SCIN: variants seen among roughly 807,000 people sequenced by gnomAD.
SCIN encodes adseverin.
Under a neutral mutation model 91.8 loss-of-function variants are expected in SCIN, and 91 were observed. The ratio of observed to expected loss-of-function variants is 0.99; its 90% CI spans 0.84 to 1.18. SCIN has a LOEUF of 1.18. SCIN is among the 50% of genes most tolerant of loss of function. SCIN has a pLI of 0.00. For missense variants in SCIN, 1,087 were observed against 863.9 expected, an observed-to-expected ratio of 1.26 and a Z score of -3.24; for synonymous variants, 367 against 312.6, an observed-to-expected ratio of 1.17 and a Z score of -1.84.
intron 3 of SCIN, among the ~76,000 whole-genome samples, chr7:12,598,638 A>C (rs1782890975): frequency 6.6e-6 from 1 of 152,304 alleles, no homozygotes; most frequent in East Asian, 1.9e-4. Context: ...CATGCCTGTA[A>C]CCCCAGCACT....
intron 3 of SCIN, among the ~76,000 whole-genome samples, chr7:12,583,126 C>A (rs1407696198): frequency 6.6e-6 from 1 of 151,564 alleles, no homozygotes; most frequent in African/African-American, 2.4e-5. Context: ...AAAAAAAAAA[C>A]TTGTTATATA....
At chr7:12,647,870 A>G (rs1007776480) in intron 13 of SCIN, among the ~76,000 whole-genome samples, 9 of 152,176 alleles carry the variant, frequency 5.9e-5, no homozygotes, top group Non-Finnish European at 1.0e-4. Flanking sequence ...TTTTGAGTTT[A>G]TACATATTTT....
At chr7:12,650,012 T>C (rs532605567) in intron 14 of SCIN, among the ~76,000 whole-genome samples, 4 of 152,336 alleles carry the variant, frequency 2.6e-5, no homozygotes, top group African/African-American at 9.6e-5. Flanking sequence ...TCCTGTTTTA[T>C]TTATCTTAAT....
Position 12,640,435 on chromosome 7 carries a change from A to G in SCIN, c.1499A>G (p.Lys500Arg), listed in dbSNP as rs35705332. Residue 500 changes from lysine (K) to arginine (R), a missense_variant, in exon 11 of 16, where the codon AAG (lysine) becomes AGG (arginine). Transcript: ENST00000297029. ...PLIIYKNGTSKKGGQAPAPPT... is the reference protein window; with the variant it reads ...PLIIYKNGTSRKGGQAPAPPT... ...ATTATTTACAAGAATGGAACATCAAAGAAAGGAGGTCAGGCACCTGCTCCC... is the reference window on the plus strand; with the variant it reads ...ATTATTTACAAGAATGGAACATCAAGGAAAGGAGGTCAGGCACCTGCTCCC... 8.9e-4 allele frequency: 1,436 copies of G among 1,613,666 alleles called. 13 individuals are homozygous for G. In the African/African-American group the frequency reaches 0.017, roughly 19 times the overall value.
intron 4 of SCIN, chr7:12,611,082 A>T (rs1583298042): frequency 6.6e-6 from 1 of 152,224 alleles, no homozygotes; most frequent in African/African-American, 2.4e-5. Flanking sequence ...TGTTGCCTGC[A>T]ATTCCAGTGC....
chr7:12,598,007 T>C (rs1782877784), intron 3 of SCIN, among the ~76,000 whole-genome samples: 1 of 152,198 alleles, frequency 6.6e-6, no homozygotes, highest in South Asian at 2.1e-4. Flanking sequence ...TGATATTTAG[T>C]GTTGAGTTGT....
At position 12,636,061 on chromosome 7, in the gene SCIN, A is replaced by G; in HGVS notation, c.1336A>G (p.Thr446Ala). ...IIYTWQGANA[T>A]RDELTTSAFL... ...TTCCTCTAGGCAAGGAGCAAATGCC[A>G]CACGAGATGAGCTGACAACATCTGC... Residue 446 changes from threonine (T) to alanine (A), a missense_variant, in exon 10 of 16, where the codon ACA becomes GCA. Physicochemically the swap from Thr to Ala is moderately conservative, Grantham distance 58 (BLOSUM62 0). Coordinates refer to ENST00000297029, the MANE Select transcript of SCIN (RefSeq NM_001112706.3). The G allele has an allele frequency of 6.2e-7, 1 of 1,612,782 alleles. No individual in the cohort carries two copies. Among genetic ancestry groups the G allele is most frequent in the East Asian group, 2.2e-5 (1 of 44,782 alleles).
At chr7:12,577,906 G>T in intron 1 of SCIN, 158 bp from the exon 2 acceptor site, 10 of 615,590 alleles carry the variant, frequency 1.6e-5, no homozygotes, top group Non-Finnish European at 2.1e-5. Context: ...GCAAAATAAT[G>T]TATTACATAC....
intron 4 of SCIN, among the ~76,000 whole-genome samples, chr7:12,616,883 A>G (rs2115264588): frequency 6.6e-6 from 1 of 152,072 alleles, no homozygotes; most frequent in East Asian, 1.9e-4. Flanking sequence ...ATTGTCACCT[A>G]CTCTTCTGCT....
intron 1 of SCIN, among the ~76,000 whole-genome samples, chr7:12,574,285 C>G (rs1005985939): frequency 1.3e-5 from 2 of 152,106 alleles, no homozygotes; most frequent in Non-Finnish European, 2.9e-5. Context: ...GTGAAAAACC[C>G]TAAGAGGCTT....
chr7:12,622,210 G>A (rs1783423741), intron 4 of SCIN, among the ~76,000 whole-genome samples: 1 of 151,990 alleles, frequency 6.6e-6, no homozygotes, highest in African/African-American at 2.4e-5. Context: ...GCACAGAATA[G>A]ATAAATTCAT....
intron 3 of SCIN, among the ~76,000 whole-genome samples, chr7:12,594,488 A>G (rs1421670141): frequency 1.3e-5 from 2 of 152,164 alleles, no homozygotes; most frequent in Non-Finnish European, 2.9e-5. Flanking sequence ...GTCTCTAAGT[A>G]TATTGAAATC....
At chr7:12,594,310 T>A (rs1200405218) in intron 3 of SCIN, among the ~76,000 whole-genome samples, 1 of 151,920 alleles carries the variant, frequency 6.6e-6, no homozygotes, top group Non-Finnish European at 1.5e-5. Context: ...AGTCATCGGC[T>A]GGGTCTGTGG....
At chr7:12,603,890 G>A (rs760721705) in intron 3 of SCIN, among the ~76,000 whole-genome samples, 5 of 121,436 alleles carry the variant, frequency 4.1e-5, no homozygotes, top group South Asian at 3.7e-4. Flanking sequence ...ACATAGCAAC[G>A]AAAACCCTTA....
chr7:12,651,755 A>T lies in SCIN; in HGVS notation c.1960-86A>T, dbSNP rs1162126164. The T allele has an allele frequency of 2.5e-6, 2 of 792,976 alleles. No homozygotes were observed. Among genetic ancestry groups the T allele is most frequent in the African/African-American group, 1.7e-5 (1 of 57,282 alleles). 49.1% of individuals were successfully genotyped at this position (792,976 alleles called of 1,614,324 possible). A position where few individuals can be genotyped will look rare whatever the true frequency, so the allele number is the denominator to read the frequency against. ...GGATATTGTGAAGATTGAATGAGCA[A>T]TGTGTGTGTGAAGCACTTTACATAG... On this transcript the variant is annotated intron_variant, in intron 14 of 15. Coordinates refer to ENST00000297029, the MANE Select transcript of SCIN (RefSeq NM_001112706.3). The surrounding 1 kb of genome is among the most constrained non-coding windows in gnomAD (Gnocchi z 5.9).
intron 3 of SCIN, among the ~76,000 whole-genome samples, chr7:12,601,216 A>T (rs1782951640): frequency 6.6e-6 from 1 of 152,186 alleles, no homozygotes; most frequent in South Asian, 2.1e-4. Flanking sequence ...AGCGGGGGTC[A>T]GAGAGACTAT....
At chr7:12,574,289 G>A (rs1301372091) in intron 1 of SCIN, among the ~76,000 whole-genome samples, 1 of 152,116 alleles carries the variant, frequency 6.6e-6, no homozygotes, top group Non-Finnish European at 1.5e-5. Flanking sequence ...AAAACCCTAA[G>A]AGGCTTTATA....
chr7:12,635,826 T>A (rs1245959542), intron 9 of SCIN, among the ~76,000 whole-genome samples: 1 of 151,960 alleles, frequency 6.6e-6, no homozygotes, highest in Admixed American at 6.6e-5. Context: ...TTCTTTAACA[T>A]GGAGATAAAA....
chr7:12,626,649 T>G lies in SCIN; in HGVS notation c.1047T>G (p.Asp349Glu), dbSNP rs1583308118. ...IFKQFFKDWR[D>E]KDQSDGFGKV... ...AACAGTTTTTTAAGGACTGGAGAGA[T>G]AAAGATCAGAGTGATGGCTTCGGGA... Residue 349 changes from aspartate (D) to glutamate (E), a missense_variant, in exon 8 of 16, where the codon GAT (aspartate) becomes GAG (glutamate). Transcript: ENST00000297029. The G allele has an allele frequency of 1.3e-6, 2 of 1,556,678 alleles. No individual in the cohort carries two copies. The highest frequency in any genetic ancestry group is 1.7e-4 in the Middle Eastern group (1 of 5,992).
Sources: allele counts gnomAD v4.1 joint callset (sites outside exome capture counted in the v4.1 genomes callset), GRCh38; gene constraint gnomAD v4.1.1; non-coding constraint Gnocchi (gnomAD v3.1); transcripts MANE v1.5; gene names NCBI Gene and HGNC (gene_info 2026-07-23, HGNC 2026-07-21).